The following GRIK1 variants were observed in gnomAD, a reference collection of about 807,000 sequenced individuals.
GRIK1 encodes glutamate receptor ionotropic, kainate 1.
A neutral mutation model predicts 105.7 loss-of-function variants in GRIK1; 69 were observed. The observed-to-expected ratio is 0.65, with a 90% CI of 0.54 to 0.80. GRIK1 has a LOEUF of 0.80. GRIK1 is among the 30% of genes least tolerant of loss of function. The pLI, the probability that GRIK1 is intolerant of heterozygous loss-of-function variation, is 0.00. For missense variants in GRIK1, 1,109 were observed against 1,167.3 expected (o/e 0.95, Z 0.73); for synonymous variants, 438 against 431.3 (o/e 1.02, Z -0.19).
At chr21:29,654,119 G>A (rs778351150) in intron 5 of GRIK1, among the ~76,000 whole-genome samples, 5 of 152,196 alleles carry the variant, frequency 3.3e-5, no homozygotes, top group Non-Finnish European at 5.9e-5. Flanking sequence ...ATGTAAGGAA[G>A]TGGAATGTGT....
chr21:29,921,373 A>G (rs2071188443), intron 1 of GRIK1, among the ~76,000 whole-genome samples: 1 of 152,196 alleles, frequency 6.6e-6, no homozygotes, highest in Admixed American at 6.5e-5. Flanking sequence ...GTTAGTCCTC[A>G]TTGCAAGGCC....
chr21:29,821,510 T>C (rs1424767718), intron 1 of GRIK1, among the ~76,000 whole-genome samples: 1 of 152,038 alleles, frequency 6.6e-6, no homozygotes, highest in Non-Finnish European at 1.5e-5. Flanking sequence ...ATGAGAACCA[T>C]GAGAGGTCAC....
intron 1 of GRIK1, among the ~76,000 whole-genome samples, chr21:29,868,928 A>C (rs919604134): frequency 2.6e-5 from 4 of 152,356 alleles, no homozygotes; most frequent in Non-Finnish European, 2.9e-5. Context: ...TTGTTTTTAA[A>C]TGATGGTTTC....
intron 5 of GRIK1, among the ~76,000 whole-genome samples, chr21:29,652,463 A>G (rs2062756714): frequency 6.6e-6 from 1 of 152,216 alleles, no homozygotes. Context: ...GACATACTAG[A>G]GCACAAGGTT....
intron 1 of GRIK1, among the ~76,000 whole-genome samples, chr21:29,796,723 C>T (rs966587755): frequency 6.6e-6 from 1 of 152,146 alleles, no homozygotes. Context: ...CCGAGGTGAG[C>T]AGATCACTTG....
At chr21:29,735,835 A>G (rs2064776481) in intron 1 of GRIK1, among the ~76,000 whole-genome samples, 1 of 117,156 alleles carries the variant, frequency 8.5e-6, no homozygotes. Context: ...CGACAGAGTG[A>G]GACTCCGTCT....
intron 1 of GRIK1, among the ~76,000 whole-genome samples, chr21:29,866,341 C>T (rs982786194): frequency 1.3e-5 from 2 of 152,020 alleles, no homozygotes; most frequent in Non-Finnish European, 2.9e-5. Context: ...GCTGAGATTA[C>T]AGGTATGAGC....
intron 1 of GRIK1, among the ~76,000 whole-genome samples, chr21:29,917,191 G>A (rs2071027655): frequency 6.6e-6 from 1 of 151,908 alleles, no homozygotes; most frequent in South Asian, 2.1e-4. Flanking sequence ...ATTCTTTTTG[G>A]TGATTTGCCA....
At chr21:29,785,236 A>C (rs2066226978) in intron 1 of GRIK1, among the ~76,000 whole-genome samples, 1 of 152,210 alleles carries the variant, frequency 6.6e-6, no homozygotes, top group South Asian at 2.1e-4. Flanking sequence ...GCCATGCTTA[A>C]GTTGAACTTT....
At chr21:29,661,970 A>G (rs926374840) in intron 4 of GRIK1, among the ~76,000 whole-genome samples, 18 of 152,216 alleles carry the variant, frequency 1.2e-4, no homozygotes, top group Admixed American at 1.0e-3. Flanking sequence ...TATATGATGT[A>G]TAAATCCAGC....
At chr21:29,543,942 T>C (rs2090011193) in intron 16 of GRIK1, among the ~76,000 whole-genome samples, 1 of 152,194 alleles carries the variant, frequency 6.6e-6, no homozygotes, top group Admixed American at 6.5e-5. Context: ...AACTCCTTTT[T>C]CCCGTGTTTG....
chr21:29,679,929 T>A (rs535596412), intron 3 of GRIK1, among the ~76,000 whole-genome samples: 43 of 152,308 alleles, frequency 2.8e-4, no homozygotes, highest in African/African-American at 1.0e-3. Context: ...ACAAAGTGTT[T>A]TTCTTGACAT....
intron 1 of GRIK1, among the ~76,000 whole-genome samples, chr21:29,775,193 A>G (rs2065911573): frequency 6.7e-6 from 1 of 149,104 alleles, no homozygotes; most frequent in Non-Finnish European, 1.5e-5. Context: ...CTGTAATCCC[A>G]GCTACTCAGG....
In GRIK1 at chr21:29,888,188, T is replaced by TCTTTCTTTCTTTCTTTCTTTCTTC. The variant is rs1337456935; in HGVS notation, c.118+51194_118+51195insGAAGAAAGAAAGAAAGAAAGAAAG. Among the ~76,000 whole-genome samples the TCTTTCTTTCTTTCTTTCTTTCTTC allele has an allele frequency of 2.8e-4, 4 of 14,228 alleles. 1 individual carries two copies. Among genetic ancestry groups the TCTTTCTTTCTTTCTTTCTTTCTTC allele is most frequent in the Admixed American group, 1.5e-3 (1 of 670 alleles). 9.3% of individuals were successfully genotyped at this position (14,228 alleles called of 152,430 possible). ...TTCTTTCTTTCTTTCTTTCTTCCTT[T>TCTTTCTTTCTTTCTTTCTTTCTTC]CTTTCTTTCTCTCTCTCTCTCTCTC... On this transcript the variant is annotated intron_variant, in intron 1 of 17. Coordinates refer to ENST00000327783, the MANE Select transcript of GRIK1 (RefSeq NM_001330994.2).
chr21:29,591,262 T>G, intron 9 of GRIK1, 37 bp from the exon 10 acceptor site: 4 of 1,217,798 alleles, frequency 3.3e-6, no homozygotes, highest in Non-Finnish European at 4.9e-6. Context: ...CTGCTGGCTG[T>G]CAGTGTGGCA....
chr21:29,772,443 AC>A (rs1423528287), intron 1 of GRIK1, among the ~76,000 whole-genome samples: 2 of 152,216 alleles, frequency 1.3e-5, no homozygotes, highest in Non-Finnish European at 2.9e-5. Context: ...ACTAGTGTAA[AC>A]CATTTCTTAC....
chr21:29,737,698 C>T (rs982475458), intron 1 of GRIK1, among the ~76,000 whole-genome samples: 3 of 152,246 alleles, frequency 2.0e-5, no homozygotes, highest in African/African-American at 7.2e-5. Context: ...GCCTTTAATT[C>T]AAGTTGGCTT....
At chr21:29,659,679 G>A (rs142240849) in intron 4 of GRIK1, among the ~76,000 whole-genome samples, 5 of 152,212 alleles carry the variant, frequency 3.3e-5, no homozygotes, top group East Asian at 3.9e-4. Context: ...ACTCAATGCC[G>A]GCCAGGCGCG....
chr21:29,649,666 T>C (rs954836587), intron 6 of GRIK1, among the ~76,000 whole-genome samples: 1 of 152,224 alleles, frequency 6.6e-6, no homozygotes, highest in African/African-American at 2.4e-5. Context: ...ATGTACAAAC[T>C]GTTTTGTCAG....
Sources: gnomAD v4.1 joint callset for allele counts (sites outside exome capture counted in the v4.1 genomes callset) on GRCh38, gnomAD v4.1.1 for gene constraint, MANE v1.5 for transcripts, NCBI Gene and HGNC (gene_info 2026-07-23, HGNC 2026-07-21) for gene names.